PDE4C: variants seen among roughly 807,000 people sequenced by gnomAD.
PDE4C encodes phosphodiesterase 4C, also known as 3',5'-cyclic-AMP phosphodiesterase 4C.
A neutral mutation model predicts 63.9 loss-of-function variants in PDE4C; 50 were observed. The ratio of observed to expected loss-of-function variants is 0.78; its 90% CI spans 0.62 to 0.99. The LOEUF (loss-of-function observed/expected upper bound fraction) is 0.99. Among genes scored for constraint, PDE4C ranks in the 50% least tolerant of loss-of-function variants. The pLI is 0.00. For missense variants in PDE4C, 777 were observed against 899.1 expected (o/e 0.86, Z 1.74); for synonymous variants, 377 against 385.1 (o/e 0.98, Z 0.25).
rs748887968 is a variant in PDE4C at position 18,220,427 on chromosome 19, C to T, written c.588G>A (p.Ser196=). 4.3e-6 allele frequency: 7 copies of T among 1,614,196 alleles called. No individual in the cohort carries two copies. The East Asian group carries it at 1.3e-4, about 31-fold the overall frequency. ...CCTTGTTGGAGGCCATCTCCCCCAC[C>T]GAGTGCCGGGTCTGCAGCGTCTCCA... Residue 196 remains serine (S), a synonymous_variant, in exon 6 of 15, where the codon TCG becomes TCA. Coordinates refer to ENST00000262805, the Ensembl canonical transcript of PDE4C. The surrounding 1 kb of genome is among the most constrained non-coding windows in gnomAD (Gnocchi z 5.1).
upstream of PDE4C, chr19:18,249,977 T>C (rs1465805570): frequency 2.5e-6 from 1 of 396,890 alleles, no homozygotes; most frequent in East Asian, 3.6e-5. Context: ...CAGCACATAG[T>C]AGGTGCTCAG....
chr19:18,248,480 T>C (rs1969173693), upstream of PDE4C, among the ~76,000 whole-genome samples: 1 of 149,734 alleles, frequency 6.7e-6, no homozygotes, highest in South Asian at 2.1e-4. Context: ...AAGGGAGGCG[T>C]AGGAGTGAGG....
upstream of PDE4C, among the ~76,000 whole-genome samples, chr19:18,230,418 C>T (rs538196901): frequency 3.3e-4 from 51 of 152,242 alleles, no homozygotes; most frequent in Non-Finnish European, 5.7e-4. Flanking sequence ...GTAGGGGAAT[C>T]GCTTGAACCC....
downstream of PDE4C, chr19:18,209,293 C>T (rs923260160): frequency 2.0e-5 from 3 of 152,014 alleles, no homozygotes; most frequent in African/African-American, 7.3e-5. Flanking sequence ...GCTCTGTCAC[C>T]CAGGCTGGAG....
upstream of PDE4C, among the ~76,000 whole-genome samples, chr19:18,229,102 A>ATTTTTTT (rs56379821): frequency 2.2e-4 from 28 of 124,538 alleles, no homozygotes; most frequent in East Asian, 7.3e-4. Flanking sequence ...TGCCAAGCTA[A>ATTTTTTT]TTTTTTTTTT....
At chr19:18,241,315 G>T (rs1489762072) in intron 1 of PDE4C, among the ~76,000 whole-genome samples, 2 of 127,310 alleles carry the variant, frequency 1.6e-5, no homozygotes, top group Non-Finnish European at 3.1e-5. Context: ...CGCCCAGGCT[G>T]GAGTGCAGTG....
chr19:18,252,101 C>T (rs1969236915), upstream of PDE4C: 3 of 399,098 alleles, frequency 7.5e-6, no homozygotes, highest in Non-Finnish European at 1.3e-5. Flanking sequence ...CAGTGGAGGT[C>T]AAGGGCTCCG....
At chr19:18,232,013 G>A (rs952201028) in intron 1 of PDE4C, among the ~76,000 whole-genome samples, 9 of 152,090 alleles carry the variant, frequency 5.9e-5, no homozygotes, top group African/African-American at 1.9e-4. Flanking sequence ...GAGGTAGCAA[G>A]AGAAGACTCC....
At chr19:18,242,475 C>CAATAA (rs1969058436) in intron 1 of PDE4C, among the ~76,000 whole-genome samples, 1 of 29,806 alleles carries the variant, frequency 3.4e-5, no homozygotes, top group African/African-American at 1.4e-4. Flanking sequence ...GACTCCATCT[C>CAATAA]AAAAAAAAAA....
intron 1 of PDE4C, among the ~76,000 whole-genome samples, chr19:18,239,133 A>G (rs771145775): frequency 6.6e-6 from 1 of 152,236 alleles, no homozygotes; most frequent in Non-Finnish European, 1.5e-5. Context: ...TCATGAAGGT[A>G]TAATGAAGCC....
chr19:18,241,204 G>A (rs1029719537), intron 1 of PDE4C, among the ~76,000 whole-genome samples: 9 of 149,890 alleles, frequency 6.0e-5, no homozygotes, highest in Non-Finnish European at 1.3e-4. Context: ...CCCCTGAGAT[G>A]TCAGCTGCTC....
At chr19:18,215,990 C>T (rs981121040) in intron 12 of PDE4C, among the ~76,000 whole-genome samples, 4 of 151,614 alleles carry the variant, frequency 2.6e-5, no homozygotes, top group Admixed American at 1.3e-4. Flanking sequence ...CCACCAGGCC[C>T]GGCTAATTTT....
intron 1 of PDE4C, among the ~76,000 whole-genome samples, chr19:18,232,061 T>C (rs976730566): frequency 3.3e-5 from 5 of 152,056 alleles, no homozygotes; most frequent in African/African-American, 1.2e-4. Flanking sequence ...CTGGCCCTTA[T>C]ATATCTATAA....
chr19:18,226,558 G>A (rs997527516), upstream of PDE4C: 11 of 489,586 alleles, frequency 2.2e-5, no homozygotes, highest in Non-Finnish European at 3.0e-5. Context: ...CGACCCCCGG[G>A]ACAAACGGGG....
chr19:18,238,915 C>T lies in PDE4C; in HGVS notation c.-209-5515G>A, dbSNP rs150371967. On this transcript the variant is annotated intron_variant, in intron 1 of 15. Coordinates refer to the PDE4C transcript ENST00000594617. ...CTGAGGCAGGAGAATCACTTGAACCCGGGAGGCGGAGGCTGCAGTGAGTGG... is the reference window on the plus strand; with the variant it reads ...CTGAGGCAGGAGAATCACTTGAACCTGGGAGGCGGAGGCTGCAGTGAGTGG... Among the ~76,000 whole-genome samples the T allele has an allele frequency of 3.3e-5, 5 of 151,548 alleles. 1 individual carries two copies. Among genetic ancestry groups the T allele is most frequent in the African/African-American group, 1.2e-4 (5 of 41,310 alleles).
upstream of PDE4C, among the ~76,000 whole-genome samples, chr19:18,227,799 A>G (rs1272278372): frequency 6.6e-6 from 1 of 152,152 alleles, no homozygotes; most frequent in African/African-American, 2.4e-5. Flanking sequence ...TGGTGTCCCC[A>G]GACATGGTAC....
At chr19:18,252,143 C>T (rs1439677553), upstream of PDE4C, 3 of 398,640 alleles carry the variant, frequency 7.5e-6, no homozygotes, top group Middle Eastern at 6.3e-4. Flanking sequence ...GGCTCCAGTG[C>T]GGGGTCAGGG....
exon 15 of PDE4C, chr19:18,210,808 C>G (rs1967887641): frequency 6.8e-7 from 1 of 1,465,942 alleles, no homozygotes; most frequent in African/African-American, 1.4e-5. Flanking sequence ...GCTTGATTGT[C>G]TCCCTAAATG....
In PDE4C at chr19:18,211,582, T is replaced by C. The variant is rs1021473632; in HGVS notation, c.1695+177A>G. 3.7e-5 allele frequency: 26 copies of C among 699,254 alleles called. No homozygotes were observed. The African/African-American group carries it at 3.9e-4, about 11-fold the overall frequency. The allele number at this position is 699,254 out of a possible 1,614,324, so 43.3% of individuals were successfully genotyped here. ...TGTTTCCAAACCCCAGAAGTGCATG[T>C]CCCTCTCCCTGAAGCCCAGAGAGAA... On this transcript the variant is annotated intron_variant, in intron 14 of 14. Transcript: ENST00000262805.
Sources: gnomAD v4.1 joint callset for allele counts (sites outside exome capture counted in the v4.1 genomes callset) on GRCh38, gnomAD v4.1.1 for gene constraint, Gnocchi (gnomAD v3.1) non-coding constraint, MANE v1.5 for transcripts, NCBI Gene and HGNC (gene_info 2026-07-23, HGNC 2026-07-21) for gene names.